CTNNBL1: variants seen among roughly 807,000 people sequenced by gnomAD.
CTNNBL1 encodes beta-catenin-like protein 1.
Under a neutral mutation model 72.7 loss-of-function variants are expected in CTNNBL1, and 31 were observed. The ratio of observed to expected loss-of-function variants is 0.43; its 90% CI spans 0.32 to 0.58. The LOEUF is 0.58. Ranked by LOEUF, CTNNBL1 falls within the 20% of genes least tolerant of loss-of-function variation. CTNNBL1 has a pLI of 0.08. For synonymous variants in CTNNBL1, 240 were observed against 267.3 expected (o/e 0.90, Z 1.00); for missense variants, 534 against 725.1 (o/e 0.74, Z 3.03).
At chr20:37,869,921 T>G (rs71351549) in intron 15 of CTNNBL1, among the ~76,000 whole-genome samples, 1 of 145,802 alleles carries the variant, frequency 6.9e-6, no homozygotes, top group Non-Finnish European at 1.5e-5. Context: ...CACCCCATCC[T>G]CCCCCTTCCC....
intron 1 of CTNNBL1, among the ~76,000 whole-genome samples, chr20:37,695,902 GACCCTGGACGCTTAAGACAT>G (rs2072786939): frequency 6.6e-6 from 1 of 152,188 alleles, no homozygotes; most frequent in East Asian, 1.9e-4. Context: ...ACAAGAAATT[GACCCTGGACGCTTAAGACAT>G]CATGGGAAAG....
intron 4 of CTNNBL1, among the ~76,000 whole-genome samples, chr20:37,754,791 T>C (rs1418506305): frequency 6.6e-6 from 1 of 152,148 alleles, no homozygotes; most frequent in Non-Finnish European, 1.5e-5. Context: ...TCCCTTACTA[T>C]TGCAGTGACC....
chr20:37,697,174 ACTCT>A (rs1173228167), intron 1 of CTNNBL1, among the ~76,000 whole-genome samples: 4 of 151,374 alleles, frequency 2.6e-5, no homozygotes, highest in African/African-American at 4.9e-5. Context: ...CAAGAGCGAA[ACTCT>A]CTCTCAAAGA....
rs754305584 is a variant in CTNNBL1 at position 37,872,000 on chromosome 20, TGGA to T, written c.1681_1683del (p.Glu561del). On this transcript the variant is annotated inframe_deletion, in exon 16 of 16. Coordinates refer to ENST00000361383, the MANE Select transcript of CTNNBL1 (RefSeq NM_030877.5). ...GAGCAAAAGCGCATCCTGGGCTTGC[TGGA>T]GAACTTCTAGAGGCACCTTGGCCCT... The T allele has an allele frequency of 6.2e-7, 1 of 1,614,088 alleles. No homozygotes were observed. Among genetic ancestry groups the T allele is most frequent in the Non-Finnish European group, 8.5e-7 (1 of 1,179,934 alleles).
intron 1 of CTNNBL1, among the ~76,000 whole-genome samples, chr20:37,708,079 T>C (rs1037215457): frequency 2.6e-5 from 4 of 152,128 alleles, no homozygotes; most frequent in Non-Finnish European, 4.4e-5. Flanking sequence ...CGGATTACCA[T>C]AGCAGATATG....
intron 15 of CTNNBL1, among the ~76,000 whole-genome samples, 178 bp downstream of exon 15, chr20:37,860,522 T>G (rs2072482916): frequency 1.3e-5 from 2 of 152,222 alleles, no homozygotes; most frequent in South Asian, 4.1e-4. Flanking sequence ...AGACTAGCCT[T>G]GTTGTTCTCT....
intron 2 of CTNNBL1, among the ~76,000 whole-genome samples, chr20:37,735,949 G>A (rs2073167536): frequency 6.6e-6 from 1 of 152,186 alleles, no homozygotes; most frequent in Non-Finnish European, 1.5e-5. Context: ...AGGGTGCATT[G>A]CAGCACATTA....
At chr20:37,848,059 C>CT (rs2072361977) in intron 13 of CTNNBL1, among the ~76,000 whole-genome samples, 1 of 151,164 alleles carries the variant, frequency 6.6e-6, no homozygotes, top group Admixed American at 6.6e-5. Flanking sequence ...GCCATCGATT[C>CT]TTCTGCTAAC....
chr20:37,777,478 A>T lies in CTNNBL1; in HGVS notation c.823+61A>T, dbSNP rs369217471. The stretch of plus-strand genomic sequence containing the variant: ...ATAGGAGCCAGGCTTGTTTCAGATC[A>T]TGACAGCAAGCTCTCTTGCCTTTGG... On this transcript the variant is annotated intron_variant, in intron 8 of 15. Coordinates refer to ENST00000361383, the MANE Select transcript of CTNNBL1 (RefSeq NM_030877.5). The T allele has an allele frequency of 4.5e-6, 7 of 1,542,134 alleles. No homozygotes were observed. The African/African-American group carries it at 6.8e-5, about 15-fold the overall frequency.
intron 1 of CTNNBL1, among the ~76,000 whole-genome samples, chr20:37,702,203 A>G (rs2122543289): frequency 6.6e-6 from 1 of 152,308 alleles, no homozygotes; most frequent in Middle Eastern, 3.4e-3. Context: ...CAATCTTGAT[A>G]GTACTAGTTC....
At chr20:37,768,944 A>G (rs1438862946) in intron 7 of CTNNBL1, among the ~76,000 whole-genome samples, 1 of 151,786 alleles carries the variant, frequency 6.6e-6, no homozygotes, top group East Asian at 1.9e-4. Context: ...ACGCCTGGCT[A>G]ATTTTTGTAT....
At chr20:37,758,555 A>T (rs931958443) in intron 5 of CTNNBL1, among the ~76,000 whole-genome samples, 1 of 152,172 alleles carries the variant, frequency 6.6e-6, no homozygotes, top group Non-Finnish European at 1.5e-5. Flanking sequence ...TCCCCAGTTC[A>T]CTGGTGATCA....
chr20:37,834,732 T>G (rs2122799579), intron 11 of CTNNBL1, among the ~76,000 whole-genome samples: 1 of 152,308 alleles, frequency 6.6e-6, no homozygotes, highest in Non-Finnish European at 1.5e-5. Flanking sequence ...CACATGACCT[T>G]AAGTCCGTTA....
chr20:37,790,322 C>T (rs1481434715), intron 10 of CTNNBL1, among the ~76,000 whole-genome samples: 2 of 152,136 alleles, frequency 1.3e-5, no homozygotes, highest in African/African-American at 2.4e-5. Flanking sequence ...TTATTCTTGT[C>T]ATCCTTTACA....
At chr20:37,847,507 G>A (rs925377043) in intron 13 of CTNNBL1, among the ~76,000 whole-genome samples, 10 of 152,108 alleles carry the variant, frequency 6.6e-5, no homozygotes, top group African/African-American at 2.4e-4. Context: ...TGTCTCAGCA[G>A]ATTTCACCTG....
intron 1 of CTNNBL1, among the ~76,000 whole-genome samples, chr20:37,695,395 A>G (rs1020537081): frequency 1.3e-5 from 2 of 152,032 alleles, no homozygotes; most frequent in South Asian, 2.1e-4. Flanking sequence ...GGGTCTTGCT[A>G]TGTTGCCCAA....
At chr20:37,843,940 A>C (rs1241317239) in intron 13 of CTNNBL1, among the ~76,000 whole-genome samples, 1 of 152,246 alleles carries the variant, frequency 6.6e-6, no homozygotes, top group Non-Finnish European at 1.5e-5. Context: ...GCTGCACTTT[A>C]GATATTAGCA....
At chr20:37,785,557 T>C (rs1259063844) in intron 10 of CTNNBL1, among the ~76,000 whole-genome samples, 1 of 152,252 alleles carries the variant, frequency 6.6e-6, no homozygotes, top group Non-Finnish European at 1.5e-5. Context: ...GAGACTCTGA[T>C]GCATTCTTCA....
At chr20:37,771,088 C>T (rs2073518785) in intron 7 of CTNNBL1, among the ~76,000 whole-genome samples, 1 of 152,144 alleles carries the variant, frequency 6.6e-6, no homozygotes. Context: ...CTGTTTTCTC[C>T]TTTGAAAAAT....
Sources: allele counts gnomAD v4.1 joint callset (sites outside exome capture counted in the v4.1 genomes callset), GRCh38; gene constraint gnomAD v4.1.1; transcripts MANE v1.5; gene names NCBI Gene and HGNC (gene_info 2026-07-23, HGNC 2026-07-21).